SPARCL1: variants seen among roughly 807,000 people sequenced by gnomAD.
SPARCL1 encodes the protein SPARC-like protein 1.
A neutral mutation model predicts 67.1 loss-of-function variants in SPARCL1; 52 were observed. The observed-to-expected ratio is 0.78, with a 90% CI of 0.62 to 0.98. SPARCL1 has a LOEUF of 0.98. Among genes scored for constraint, SPARCL1 ranks in the 50% least tolerant of loss-of-function variants. The pLI, the probability that SPARCL1 is intolerant of heterozygous loss-of-function variation, is 0.00. For synonymous variants in SPARCL1, 226 were observed against 267.8 expected (o/e 0.84, Z 1.52); for missense variants, 717 against 782.4 (o/e 0.92, Z 1.00).
At chr4:87,492,728 C>T (rs1435209797) in intron 4 of SPARCL1, among the ~76,000 whole-genome samples, 1 of 152,146 alleles carries the variant, frequency 6.6e-6, no homozygotes. Context: ...GCAGAGTTCT[C>T]AGTAACTGAG....
chr4:87,491,260 G>C (rs534849641), intron 5 of SPARCL1, among the ~76,000 whole-genome samples: 2 of 84,072 alleles, frequency 2.4e-5, no homozygotes. Context: ...GTTTGTGATA[G>C]GGGGAGGAAT....
intron 1 of SPARCL1, among the ~76,000 whole-genome samples, chr4:87,521,923 T>C (rs1725834405): frequency 6.6e-6 from 1 of 152,218 alleles, no homozygotes; most frequent in South Asian, 2.1e-4. Context: ...TTCTGGGAAA[T>C]GTAGTAAACA....
intron 9 of SPARCL1, 103 bp downstream of exon 9, chr4:87,480,269 A>G: frequency 9.7e-7 from 1 of 1,033,728 alleles, no homozygotes; most frequent in Non-Finnish European, 1.3e-6. Context: ...CTAAAATGGA[A>G]CTGGGAAATG....
chr4:87,478,781 A>C (rs1020478072), intron 10 of SPARCL1, among the ~76,000 whole-genome samples: 12 of 152,174 alleles, frequency 7.9e-5, no homozygotes, highest in Non-Finnish European at 1.8e-4. Context: ...CATAAAATTC[A>C]AGCCTAACTT....
Position 87,495,066 on chromosome 4 carries a change from T to C in SPARCL1, c.116A>G (p.Asn39Ser). The change falls in exon 3 of 11, where the codon AAC (asparagine) becomes AGC (serine). Residue 39 changes from asparagine (N) to serine (S), a missense_variant. Coordinates refer to ENST00000282470, the MANE Select transcript of SPARCL1 (RefSeq NM_004684.6). ...AGCCCTTAAACTGGGGATTGCAGTG[T>C]TGTCAGGTGCTACCGTTTCAGCAGT... is the stretch of plus-strand genomic sequence containing the variant. ...KPTAETVAPD[N>S]TAIPSLRAEA... The C allele has an allele frequency of 6.2e-7, 1 of 1,613,164 alleles. No individual in the cohort carries two copies. Among genetic ancestry groups the C allele is most frequent in the Non-Finnish European group, 8.5e-7 (1 of 1,179,680 alleles).
chr4:87,482,710 G>A, intron 7 of SPARCL1, 150 bp from the exon 8 acceptor site: 2 of 745,366 alleles, frequency 2.7e-6, no homozygotes, highest in South Asian at 1.9e-5. Context: ...CCTGGCAGCA[G>A]CACAACAAAA....
chr4:87,477,782 T>C (rs2110210120), intron 10 of SPARCL1, among the ~76,000 whole-genome samples: 1 of 152,294 alleles, frequency 6.6e-6, no homozygotes, highest in Non-Finnish European at 1.5e-5. Flanking sequence ...GCCATCCAGG[T>C]TAGTTACTGT....
chr4:87,490,113 A>G (rs1285442605), intron 7 of SPARCL1, among the ~76,000 whole-genome samples, 160 bp downstream of exon 7: 2 of 152,228 alleles, frequency 1.3e-5, no homozygotes, highest in Admixed American at 6.5e-5. Flanking sequence ...CCTACGGTTA[A>G]GGCCTGAGAG....
Position 87,511,156 on chromosome 4 carries a change from C to G in SPARCL1, c.-11-11571G>C, listed in dbSNP as rs187653183. ...TCACACCATGAAAACCATCAAGTGT[C>G]ACCCACCTCTCCCTCTCTCAGAGAA... On this transcript the variant is annotated intron_variant, in intron 1 of 10. Transcript: ENST00000282470. Among the ~76,000 whole-genome samples the G allele has an allele frequency of 3.4e-3, 519 of 152,326 alleles. 6 individuals carry two copies. The highest frequency in any genetic ancestry group is 5.2e-3 in the Admixed American group (79 of 15,304).
At position 87,490,318 on chromosome 4, in the gene SPARCL1, T is replaced by C; in HGVS notation, c.1486A>G (p.Lys496Glu). 6.2e-7 allele frequency: 1 copy of C among 1,613,366 alleles called. No individual in the cohort carries two copies. Among genetic ancestry groups the C allele is most frequent in the Non-Finnish European group, 8.5e-7 (1 of 1,179,656 alleles). Residue 496 changes from lysine (K) to glutamate (E), a missense_variant, in exon 7 of 11, where the codon AAA (lysine) becomes GAA (glutamate). Coordinates refer to ENST00000282470, the MANE Select transcript of SPARCL1 (RefSeq NM_004684.6). ...TCCAGCTGGAGTTGATGCCCCTTTT[T>C]GGTCCCCTCCAGTCTGCATTTAGTA... Reference protein sequence around the residue: ...FATKCRLEGTKKGHQLQLDYF... With the variant: ...FATKCRLEGTEKGHQLQLDYF...
intron 1 of SPARCL1, among the ~76,000 whole-genome samples, chr4:87,513,030 G>A (rs761391779): frequency 1.3e-5 from 2 of 152,162 alleles, no homozygotes; most frequent in Non-Finnish European, 2.9e-5. Flanking sequence ...TAAAGCACAT[G>A]TGAAAGGTTT....
chr4:87,484,562 A>T (rs1378153762), intron 7 of SPARCL1, among the ~76,000 whole-genome samples: 1 of 152,082 alleles, frequency 6.6e-6, no homozygotes, highest in African/African-American at 2.4e-5. Flanking sequence ...TCTTGGATAT[A>T]TGGGCTCTTT....
At chr4:87,490,709 C>T (rs756828791) in intron 6 of SPARCL1, 51 bp downstream of exon 6, 36 of 1,203,140 alleles carry the variant, frequency 3.0e-5, no homozygotes, top group Admixed American at 3.0e-4. Context: ...ATTTTTATTT[C>T]AGTCACTAAC....
chr4:87,497,894 A>G (rs984899468), intron 2 of SPARCL1, among the ~76,000 whole-genome samples: 10 of 152,162 alleles, frequency 6.6e-5, no homozygotes, highest in Admixed American at 1.3e-4. Context: ...AGCTGGGACT[A>G]CAGGCACATG....
At chr4:87,504,135 T>TTTTGTG (rs752135318) in intron 1 of SPARCL1, among the ~76,000 whole-genome samples, 22 of 30,934 alleles carry the variant, frequency 7.1e-4, no homozygotes, top group East Asian at 4.3e-3. Context: ...TGATTTGGTA[T>TTTTGTG]TGTGTGTGTG....
In SPARCL1 at chr4:87,493,896, G is replaced by A; in HGVS notation, c.904C>T (p.Leu302=). ...EWQSQEGKTG[L]EAISNHKETE... ...TCTTTGTGGTTGCTGATAGCTTCTA[G>A]GCCAGTTTTACCCTCTTGACTCTGC... Residue 302 remains leucine, a synonymous_variant, in exon 4 of 11, where the codon CTA becomes TTA. Transcript: ENST00000282470. The A allele has an allele frequency of 1.2e-6, 2 of 1,614,064 alleles. No individual in the cohort carries two copies. Among genetic ancestry groups the A allele is most frequent in the Non-Finnish European group, 8.5e-7 (1 of 1,180,020 alleles).
chr4:87,499,602 T>A lies in SPARCL1; in HGVS notation c.-11-17A>T, dbSNP rs1724765438. On this transcript the variant is annotated splice_polypyrimidine_tract_variant and intron_variant, in intron 1 of 10. Transcript: ENST00000282470. ...TTTCCAGATCTGTGAACCAAGAAGATAATTATCAGTGGCAGGGAAAAGTTT... is the reference window on the plus strand; with the variant it reads ...TTTCCAGATCTGTGAACCAAGAAGAAAATTATCAGTGGCAGGGAAAAGTTT... 39 of 1,569,562 alleles carry A rather than the reference T, an allele frequency of 2.5e-5. No individual in the cohort carries two copies. Among genetic ancestry groups the A allele is most frequent in the Non-Finnish European group, 3.4e-5 (39 of 1,160,072 alleles).
At chr4:87,497,125 G>A in intron 2 of SPARCL1, 1 of 665,482 alleles carries the variant, frequency 1.5e-6, no homozygotes, top group Non-Finnish European at 1.9e-6. Context: ...CAAGTGATCT[G>A]CCCACCTTGG....
intron 1 of SPARCL1, among the ~76,000 whole-genome samples, chr4:87,517,561 G>T (rs867464677): frequency 6.6e-6 from 1 of 151,978 alleles, no homozygotes; most frequent in African/African-American, 2.4e-5. Context: ...TAATTTATTT[G>T]TTTCTCTACT....
Sources: gnomAD v4.1 joint callset for allele counts (sites outside exome capture counted in the v4.1 genomes callset) on GRCh38, gnomAD v4.1.1 for gene constraint, MANE v1.5 for transcripts, NCBI Gene and HGNC (gene_info 2026-07-23, HGNC 2026-07-21) for gene names.